RBFOX1: variants seen among roughly 807,000 people sequenced by gnomAD.
The protein encoded by RBFOX1 is RNA binding fox-1 homolog 1.
RBFOX1 carries 8 observed loss-of-function variants against 57.7 expected under a neutral mutation model. The observed-to-expected ratio is 0.14, with a 90% CI of 0.08 to 0.25. RBFOX1 has a LOEUF of 0.25. Ranked by LOEUF, RBFOX1 falls within the 10% of genes least tolerant of loss-of-function variation. RBFOX1 has a pLI of 1.00. For missense variants in RBFOX1, 611 were observed against 548.5 expected (o/e 1.11, Z -1.14); for synonymous variants, 326 against 222.4 (o/e 1.47, Z -4.15).
rs116206212 is a variant in RBFOX1 at position 7,303,104 on chromosome 16, G to A, written c.28-215043G>A. On this transcript the variant is annotated intron_variant, in intron 4 of 15. Transcript: ENST00000550418. ...GCCCCCTTCCAGTCGCCCCGAGCTG[G>A]CACGTTAGTCCAACAGGCTTGATTT... Among the ~76,000 whole-genome samples the A allele has an allele frequency of 4.3e-3, 648 of 152,324 alleles. 2 individuals carry two copies. Among genetic ancestry groups the A allele is most frequent in the African/African-American group, 0.015 (624 of 41,566 alleles).
At chr16:5,615,324 C>G (rs2047981468) in intron 3 of RBFOX1, among the ~76,000 whole-genome samples, 1 of 152,198 alleles carries the variant, frequency 6.6e-6, no homozygotes, top group Non-Finnish European at 1.5e-5. Flanking sequence ...AGCCACTGCA[C>G]CCAGCAGCTG....
chr16:6,253,699 G>GTGTGTATATA (rs71145205), intron 1 of RBFOX1, among the ~76,000 whole-genome samples: 39,094 of 141,632 alleles, frequency 0.28, 6,282 homozygotes, highest in East Asian at 0.52. Context: ...GTGTGTGTGT[G>GTGTGTATATA]TATATATATA....
intron 2 of RBFOX1, among the ~76,000 whole-genome samples, chr16:6,580,529 A>G (rs1477045445): frequency 1.3e-5 from 2 of 152,222 alleles, no homozygotes; most frequent in African/African-American, 4.8e-5. Flanking sequence ...CTTCATAAAC[A>G]TACAAATAAT....
At chr16:6,895,444 G>GTATATATA (rs1341028814) in intron 3 of RBFOX1, among the ~76,000 whole-genome samples, 5 of 73,466 alleles carry the variant, frequency 6.8e-5, no homozygotes, top group African/African-American at 1.2e-4. Flanking sequence ...GTGTGTGTGT[G>GTATATATA]TGTGTATATA....
At chr16:6,597,439 C>A (rs140290302) in intron 2 of RBFOX1, among the ~76,000 whole-genome samples, 1 of 151,894 alleles carries the variant, frequency 6.6e-6, no homozygotes, top group Admixed American at 6.6e-5. Context: ...TTTGGGAGGC[C>A]GAGGTGGGCG....
intron 5 of RBFOX1, among the ~76,000 whole-genome samples, chr16:7,520,214 A>G (rs1212231014): frequency 6.6e-6 from 1 of 152,152 alleles, no homozygotes; most frequent in Non-Finnish European, 1.5e-5. Context: ...AAAAAATGGT[A>G]TACATTCTGA....
intron 1 of RBFOX1, among the ~76,000 whole-genome samples, chr16:5,411,478 C>T (rs1047034398): frequency 2.6e-5 from 4 of 152,178 alleles, no homozygotes; most frequent in Admixed American, 2.6e-4. Context: ...AGGAACACAG[C>T]CCTGTCGATA....
intron 3 of RBFOX1, among the ~76,000 whole-genome samples, chr16:5,760,814 A>G (rs1250627548): frequency 6.6e-6 from 1 of 152,210 alleles, no homozygotes; most frequent in East Asian, 1.9e-4. Flanking sequence ...AGAGACAAAA[A>G]GTAGGTTGGT....
intron 9 of RBFOX1, among the ~76,000 whole-genome samples, chr16:7,602,320 T>G (rs1314871753): frequency 2.6e-5 from 4 of 152,174 alleles, no homozygotes; most frequent in Non-Finnish European, 5.9e-5. Flanking sequence ...ACTGCTTGCG[T>G]ATCTGATACA....
chr16:6,424,107 C>T (rs898633974), intron 2 of RBFOX1, among the ~76,000 whole-genome samples: 12 of 152,132 alleles, frequency 7.9e-5, no homozygotes, highest in African/African-American at 2.4e-4. Context: ...GATATGTTGG[C>T]ATGTGCCTAT....
chr16:7,598,455 A>G (rs1351671102), intron 9 of RBFOX1, among the ~76,000 whole-genome samples: 1 of 152,180 alleles, frequency 6.6e-6, no homozygotes, highest in African/African-American at 2.4e-5. Context: ...GGAATTTTAT[A>G]CTTCTAAAAT....
intron 2 of RBFOX1, among the ~76,000 whole-genome samples, chr16:6,652,604 C>T (rs1176029519): frequency 6.6e-6 from 1 of 152,108 alleles, no homozygotes; most frequent in Admixed American, 6.5e-5. Context: ...CTTGAACTTC[C>T]ACCTGTAGAA....
At chr16:7,336,451 G>T (rs1198224131) in intron 4 of RBFOX1, among the ~76,000 whole-genome samples, 3 of 152,190 alleles carry the variant, frequency 2.0e-5, no homozygotes, top group Non-Finnish European at 2.9e-5. Context: ...TATTTTCCTG[G>T]ATGGTTGATG....
At position 5,361,606 on chromosome 16, in the gene RBFOX1, C is replaced by T. The variant is rs79302618; in HGVS notation, c.220-105610C>T. On this transcript the variant is annotated intron_variant, in intron 1 of 2. Transcript: ENST00000585867. Reference sequence around the variant, plus strand: ...AAGACAGTGACAGCAGAACATGGAGCGTGGGGCCTTGTGTGATTGCAAACG... The same window carrying T: ...AAGACAGTGACAGCAGAACATGGAGTGTGGGGCCTTGTGTGATTGCAAACG... Among the ~76,000 whole-genome samples, 213 of 152,276 alleles carry T rather than the reference C, an allele frequency of 1.4e-3. 1 individual carries two copies. Among genetic ancestry groups the T allele is most frequent in the African/African-American group, 4.8e-3 (200 of 41,554 alleles).
intron 3 of RBFOX1, among the ~76,000 whole-genome samples, chr16:5,822,253 A>G (rs545930940): frequency 6.6e-6 from 1 of 152,182 alleles, no homozygotes; most frequent in African/African-American, 2.4e-5. Context: ...AAGGCATAAG[A>G]ATGATACAAT....
At chr16:7,013,750 C>G (rs1289931191) in intron 3 of RBFOX1, among the ~76,000 whole-genome samples, 1 of 152,064 alleles carries the variant, frequency 6.6e-6, no homozygotes, top group Non-Finnish European at 1.5e-5. Context: ...CTCAAACTCC[C>G]AGGCTCAAGC....
At chr16:7,067,039 A>G (rs1205599087) in intron 4 of RBFOX1, among the ~76,000 whole-genome samples, 2 of 152,200 alleles carry the variant, frequency 1.3e-5, no homozygotes, top group African/African-American at 2.4e-5. Flanking sequence ...ATCTACTGTA[A>G]GTAAATAATA....
intron 1 of RBFOX1, among the ~76,000 whole-genome samples, chr16:6,128,235 T>G (rs2096604315): frequency 6.6e-6 from 1 of 152,234 alleles, no homozygotes; most frequent in South Asian, 2.1e-4. Flanking sequence ...TTTAATCAAT[T>G]TCATTTATTT....
rs550029414 is a variant in RBFOX1, at chr16:7,586,259, C to T, written c.415-988C>T. 1.4e-3 allele frequency among the ~76,000 whole-genome samples: 210 copies of T among 152,226 alleles called. 2 individuals are homozygous for T. The highest frequency in any genetic ancestry group is 4.8e-3 in the African/African-American group (201 of 41,536). On this transcript the variant is annotated intron_variant, in intron 6 of 15. Transcript: ENST00000550418. ...TACTTATGCAGGTTAGGCTACTGTACTCAAGAAATGGCCACAATACTTCAT... is the reference window on the plus strand; with the variant it reads ...TACTTATGCAGGTTAGGCTACTGTATTCAAGAAATGGCCACAATACTTCAT...
Sources: gnomAD v4.1 joint callset for allele counts (sites outside exome capture counted in the v4.1 genomes callset) on GRCh38, gnomAD v4.1.1 for gene constraint, MANE v1.5 for transcripts, NCBI Gene and HGNC (gene_info 2026-07-23, HGNC 2026-07-21) for gene names.